The following MLYCD variants were observed in gnomAD, a reference collection of about 807,000 sequenced individuals.
MLYCD encodes the protein malonyl-CoA decarboxylase, mitochondrial.
MLYCD carries 27 observed loss-of-function variants against 35.8 expected under a neutral mutation model. That is an observed-to-expected ratio of 0.75 (90% CI 0.56 to 1.04). The LOEUF (loss-of-function observed/expected upper bound fraction) is 1.04. Ranked by LOEUF, MLYCD falls within the 50% of genes least tolerant of loss-of-function variation. MLYCD has a pLI of 0.00. For synonymous variants in MLYCD, 403 were observed against 302.4 expected (o/e 1.33, Z -3.45); for missense variants, 917 against 665.1 (o/e 1.38, Z -4.17).
At chr16:83,902,831 T>C (rs1906845792) in intron 1 of MLYCD, among the ~76,000 whole-genome samples, 1 of 152,174 alleles carries the variant, frequency 6.6e-6, no homozygotes, top group Non-Finnish European at 1.5e-5. Flanking sequence ...AAAATGTTCT[T>C]TTCCTCTGAT....
rs530645583 is a variant in MLYCD, at chr16:83,925,098, G to C, written c.*9609G>C. 6.6e-6 allele frequency: 1 copy of C among 152,472 alleles called. No homozygotes were observed. Among genetic ancestry groups the C allele is most frequent in the East Asian group, 1.9e-4 (1 of 5,176 alleles). The allele number at this position is 152,472 out of a possible 1,614,324, so 9.4% of individuals were successfully genotyped here. On this transcript the variant is annotated 3_prime_UTR_variant, in exon 5 of 5. Transcript: ENST00000262430. ...CCCTGGTGTGGCATCATTGTTAACA[G>C]AGCTTCTTTTCACTCTGAAGTGTTC...
rs115166852 is a variant in MLYCD, at chr16:83,911,324, G to A, written c.799-894G>A. Among the ~76,000 whole-genome samples the A allele has an allele frequency of 9.5e-3, 1,440 of 152,300 alleles. 33 individuals are homozygous for A. The highest frequency in any genetic ancestry group is 0.033 in the African/African-American group (1,371 of 41,552). Reference sequence around the variant, plus strand: ...TTCAGAAAGTTCATGGACTGACTACGAGACCTCATCTATGCAGTCTGAGCT... The same window carrying A: ...TTCAGAAAGTTCATGGACTGACTACAAGACCTCATCTATGCAGTCTGAGCT... On this transcript the variant is annotated intron_variant, in intron 3 of 4. Coordinates refer to ENST00000262430, the MANE Select transcript of MLYCD (RefSeq NM_012213.3).
Position 83,907,644 on chromosome 16 carries a change from G to A in MLYCD, c.642-482G>A, listed in dbSNP as rs78480552. 7.8e-3 allele frequency among the ~76,000 whole-genome samples: 1,188 copies of A among 152,230 alleles called. 12 individuals carry two copies. The highest frequency in any genetic ancestry group is 0.026 in the African/African-American group (1,085 of 41,542). Reference sequence around the variant, plus strand: ...CCATGGAATCCATGGTTTGAAAAGTGTCCTATTTGAAATGTAACCAATTCA... The same window carrying A: ...CCATGGAATCCATGGTTTGAAAAGTATCCTATTTGAAATGTAACCAATTCA... On this transcript the variant is annotated intron_variant, in intron 2 of 4. Coordinates refer to ENST00000262430, the MANE Select transcript of MLYCD (RefSeq NM_012213.3).
chr16:83,911,272 C>T (rs756860392), intron 3 of MLYCD, among the ~76,000 whole-genome samples: 2 of 152,222 alleles, frequency 1.3e-5, no homozygotes, highest in African/African-American at 4.8e-5. Flanking sequence ...GCCACCGCGC[C>T]CGGCCTCCAT....
chr16:83,910,266 C>G (rs1301070797), intron 3 of MLYCD, among the ~76,000 whole-genome samples: 8 of 145,574 alleles, frequency 5.5e-5, no homozygotes, highest in Non-Finnish European at 9.1e-5. Flanking sequence ...AATTTTTTGT[C>G]TCTTTGACAT....
intron 1 of MLYCD, among the ~76,000 whole-genome samples, chr16:83,900,864 G>A (rs147334293): frequency 2.5e-4 from 38 of 152,298 alleles, no homozygotes; most frequent in African/African-American, 9.1e-4. Flanking sequence ...ACATGCTGAG[G>A]TTGTGTTACT....
At chr16:83,905,388 G>T (rs1036662297) in intron 1 of MLYCD, among the ~76,000 whole-genome samples, 3 of 152,154 alleles carry the variant, frequency 2.0e-5, no homozygotes, top group Non-Finnish European at 4.4e-5. Flanking sequence ...CTGTTACTAT[G>T]TAGTTTATGA....
chr16:83,913,009 G>C (rs954171351), intron 4 of MLYCD: 1 of 164,006 alleles, frequency 6.1e-6, no homozygotes, highest in African/African-American at 2.4e-5. Flanking sequence ...TCAGGGACTT[G>C]GATAAATTCC....
intron 3 of MLYCD, 93 bp downstream of exon 3, chr16:83,908,375 CTTTT>C: frequency 6.0e-6 from 7 of 1,174,628 alleles, no homozygotes; most frequent in South Asian, 1.6e-5. Flanking sequence ...TTTTATCCTC[CTTTT>C]TTTTTTTTTT....
At chr16:83,908,372 CTCCT>C in intron 3 of MLYCD, 90 bp downstream of exon 3, 1 of 1,460,264 alleles carries the variant, frequency 6.8e-7, no homozygotes, top group South Asian at 1.3e-5. Context: ...TGATTTTATC[CTCCT>C]TTTTTTTTTT....
chr16:83,902,189 A>G (rs1906819258), intron 1 of MLYCD, among the ~76,000 whole-genome samples: 1 of 133,140 alleles, frequency 7.5e-6, no homozygotes, highest in Admixed American at 7.7e-5. Context: ...ATATATATAT[A>G]TGGTTTTTTG....
rs1336270314 is a variant in MLYCD, at chr16:83,924,218, G to T, written c.*8729G>T. On this transcript the variant is annotated 3_prime_UTR_variant, in exon 5 of 5. Coordinates refer to ENST00000262430, the MANE Select transcript of MLYCD (RefSeq NM_012213.3). ...GCCTCCTCTCATGACCCCAGACTCA[G>T]CCCGGGCCGTGGTGGGAACGATGGT... The T allele has an allele frequency of 2.0e-5, 3 of 152,234 alleles. No individual in the cohort carries two copies. The highest frequency in any genetic ancestry group is 4.4e-5 in the Non-Finnish European group (3 of 68,126). The allele number at this position is 152,234 out of a possible 1,614,324, so 9.4% of individuals were successfully genotyped here.
At chr16:83,899,810 G>A in intron 1 of MLYCD, 138 bp downstream of exon 1, 1 of 1,099,084 alleles carries the variant, frequency 9.1e-7, no homozygotes, top group Non-Finnish European at 1.3e-6. Context: ...GTTACCGCCT[G>A]CCAACTGTGT....
chr16:83,901,220 A>G (rs1418632457), intron 1 of MLYCD, among the ~76,000 whole-genome samples: 1 of 152,178 alleles, frequency 6.6e-6, no homozygotes, highest in East Asian at 1.9e-4. Flanking sequence ...TTGAATTATC[A>G]TGTTCTGGGC....
Position 83,919,844 on chromosome 16 carries a change from C to A in MLYCD, c.*4355C>A, listed in dbSNP as rs954332079. 3.3e-5 allele frequency: 5 copies of A among 150,074 alleles called. No individual in the cohort carries two copies. The highest frequency in any genetic ancestry group is 4.9e-5 in the African/African-American group (2 of 40,434). 9.3% of individuals were successfully genotyped at this position (150,074 alleles called of 1,614,324 possible). On this transcript the variant is annotated 3_prime_UTR_variant, in exon 5 of 5. Coordinates refer to ENST00000262430, the MANE Select transcript of MLYCD (RefSeq NM_012213.3). The stretch of plus-strand genomic sequence containing the variant: ...AACACGCAGTGCACAGGAGAACATG[C>A]AATGCACGGGAGAACACAGTGCAGA...
rs1385037223 is a variant in MLYCD, at chr16:83,917,475, C to T, written c.*1986C>T. 2 of 154,600 alleles carry T rather than the reference C, an allele frequency of 1.3e-5. No individual in the cohort carries two copies. Among genetic ancestry groups the T allele is most frequent in the African/African-American group, 4.8e-5 (2 of 41,542 alleles). 9.6% of individuals were successfully genotyped at this position (154,600 alleles called of 1,614,324 possible). On this transcript the variant is annotated 3_prime_UTR_variant, in exon 5 of 5. Coordinates refer to ENST00000262430, the MANE Select transcript of MLYCD (RefSeq NM_012213.3). ...TGTCCTCGGTTTGGCAGACAGGTCC[C>T]TCACCTTCCTTGCCTTTCATCTCCT... is the stretch of plus-strand genomic sequence containing the variant.
In MLYCD at chr16:83,922,299, C is replaced by G. The variant is rs542364361; in HGVS notation, c.*6810C>G. The G allele has an allele frequency of 3.0e-4, 46 of 152,368 alleles. No homozygotes were observed. The highest frequency in any genetic ancestry group is 3.4e-3 in the Middle Eastern group (1 of 294). The allele number at this position is 152,368 out of a possible 1,614,324, so 9.4% of individuals were successfully genotyped here. A position where few individuals can be genotyped will look rare whatever the true frequency, so the allele number is the denominator to read the frequency against. ...ACCTAAGTTCCGGCTCTCCTTATCTCTTGGAGCCCTGTCATCTGTGGATCA... is the reference window on the plus strand; with the variant it reads ...ACCTAAGTTCCGGCTCTCCTTATCTGTTGGAGCCCTGTCATCTGTGGATCA... On this transcript the variant is annotated 3_prime_UTR_variant, in exon 5 of 5. Coordinates refer to ENST00000262430, the MANE Select transcript of MLYCD (RefSeq NM_012213.3).
rs1597290293 is a variant in MLYCD, at chr16:83,906,896, G to A, written c.529-91G>A. On this transcript the variant is annotated intron_variant, in intron 1 of 4. Transcript: ENST00000262430. Reference sequence around the variant, plus strand: ...CACAATTGTCTTATGTATCGTGCTTGAGTGTTTTCATTCCTTGTGCTGACC... The same window carrying A: ...CACAATTGTCTTATGTATCGTGCTTAAGTGTTTTCATTCCTTGTGCTGACC... The A allele has an allele frequency of 6.7e-6, 7 of 1,052,468 alleles. No homozygotes were observed. In the Admixed American group the frequency reaches 1.0e-4, roughly 15 times the overall value. 65.2% of individuals were successfully genotyped at this position (1,052,468 alleles called of 1,614,324 possible). A position where few individuals can be genotyped will look rare whatever the true frequency, so the allele number is the denominator to read the frequency against.
rs189728461 is a variant in MLYCD, at chr16:83,917,538, C to T, written c.*2049C>T. On this transcript the variant is annotated 3_prime_UTR_variant, in exon 5 of 5. Coordinates refer to ENST00000262430, the MANE Select transcript of MLYCD (RefSeq NM_012213.3). ...AGGCCCCTTCTCTGTCTTCTGCGTACGGCGTGTTGCTTCGTGACAGACGGT... is the reference window on the plus strand; with the variant it reads ...AGGCCCCTTCTCTGTCTTCTGCGTATGGCGTGTTGCTTCGTGACAGACGGT... The T allele has an allele frequency of 2.6e-5, 4 of 153,812 alleles. No individual in the cohort carries two copies. The East Asian group carries it at 5.8e-4, about 22-fold the overall frequency. The allele number at this position is 153,812 out of a possible 1,614,324, so 9.5% of individuals were successfully genotyped here. A position where few individuals can be genotyped will look rare whatever the true frequency, so the allele number is the denominator to read the frequency against.
Sources: gnomAD v4.1 joint callset for allele counts (sites outside exome capture counted in the v4.1 genomes callset) on GRCh38, gnomAD v4.1.1 for gene constraint, MANE v1.5 for transcripts, NCBI Gene and HGNC (gene_info 2026-07-23, HGNC 2026-07-21) for gene names.